TSNARE1: variants seen among roughly 807,000 people sequenced by gnomAD.
The protein encoded by TSNARE1 is t-SNARE domain-containing protein 1.
A neutral mutation model predicts 62.0 loss-of-function variants in TSNARE1; 49 were observed. That is an observed-to-expected ratio of 0.79 (90% CI 0.63 to 1.00). The LOEUF (loss-of-function observed/expected upper bound fraction) is 1.00. Among genes scored for constraint, TSNARE1 ranks in the 50% least tolerant of loss-of-function variants. The pLI is 0.00. For missense variants in TSNARE1, 755 were observed against 700.1 expected, an observed-to-expected ratio of 1.08 and a Z score of -0.88; for synonymous variants, 328 against 294.4, an observed-to-expected ratio of 1.11 and a Z score of -1.17.
Position 142,344,489 on chromosome 8 carries a change from A to G in TSNARE1, c.239-17T>C. Reference sequence around the variant, plus strand: ...CCCCAGGCCCTGGAAAGGCACCAAAAGGCGGATGTTTAAGGCCCTGGGCCT... The same window carrying G: ...CCCCAGGCCCTGGAAAGGCACCAAAGGGCGGATGTTTAAGGCCCTGGGCCT... On this transcript the variant is annotated splice_polypyrimidine_tract_variant and intron_variant, in intron 3 of 13. Transcript: ENST00000524325. 1.3e-6 allele frequency: 2 copies of G among 1,509,112 alleles called. 1 individual carries two copies. The highest frequency in any genetic ancestry group is 2.6e-5 in the South Asian group (2 of 75,770). The allele number at this position is 1,509,112 out of a possible 1,614,324, so 93.5% of individuals were successfully genotyped here. A position where few individuals can be genotyped will look rare whatever the true frequency, so the allele number is the denominator to read the frequency against.
chr8:142,406,795 C>G (rs1838589500), upstream of TSNARE1: 1 of 152,254 alleles, frequency 6.6e-6, no homozygotes, highest in African/African-American at 2.4e-5. Context: ...GGTCCATTCC[C>G]TTGTCACCCA....
chr8:142,383,116 T>C (rs1016772888), intron 1 of TSNARE1, among the ~76,000 whole-genome samples: 1 of 152,104 alleles, frequency 6.6e-6, no homozygotes, highest in Non-Finnish European at 1.5e-5. Flanking sequence ...AAGAGCCCCG[T>C]CATGCAGGTG....
intron 13 of TSNARE1, among the ~76,000 whole-genome samples, chr8:142,216,972 G>A (rs901632834): frequency 9.2e-5 from 14 of 152,102 alleles, no homozygotes; most frequent in African/African-American, 2.9e-4. Context: ...GACCGGGCGC[G>A]GTGGCTCACA....
At chr8:142,302,883 T>TGTCC (rs1826005572) in intron 9 of TSNARE1, among the ~76,000 whole-genome samples, 1 of 152,112 alleles carries the variant, frequency 6.6e-6, no homozygotes, top group African/African-American at 2.4e-5. Context: ...GGGACAGCAC[T>TGTCC]GTCCACCAAG....
intron 1 of TSNARE1, among the ~76,000 whole-genome samples, chr8:142,358,648 C>G (rs1834926480): frequency 6.6e-6 from 1 of 152,092 alleles, no homozygotes; most frequent in South Asian, 2.1e-4. Flanking sequence ...ACGGTCAGGG[C>G]CACCGAGTCA....
Position 142,345,836 on chromosome 8 carries a change from C to G in TSNARE1, c.145G>C (p.Glu49Gln). 1 of 1,614,056 alleles carries G rather than the reference C, an allele frequency of 6.2e-7. No homozygotes were observed. Among genetic ancestry groups the G allele is most frequent in the Non-Finnish European group, 8.5e-7 (1 of 1,179,952 alleles). Residue 49 changes from glutamate (E) to glutamine (Q), a missense_variant, in exon 3 of 14, where the codon GAG becomes CAG. Glu to Gln is a conservative substitution (Grantham distance 29). Coordinates refer to ENST00000524325, the MANE Select transcript of TSNARE1 (RefSeq NM_145003.5). Reference sequence around the variant, plus strand: ...ACACAGCGGTTCTGCAGCTTGCTCTCTGGCGACGGGCAGGGGAAATGGCGG... The same window carrying G: ...ACACAGCGGTTCTGCAGCTTGCTCTGTGGCGACGGGCAGGGGAAATGGCGG... ...GIRHFPCPSPESKLQNRCVGK... is the reference protein window; with the variant it reads ...GIRHFPCPSPQSKLQNRCVGK...
chr8:142,322,291 T>A (rs1361882047), intron 6 of TSNARE1, among the ~76,000 whole-genome samples: 1 of 152,162 alleles, frequency 6.6e-6, no homozygotes, highest in Non-Finnish European at 1.5e-5. Flanking sequence ...AGAGAGGCTG[T>A]TAAATAAAAA....
intron 11 of TSNARE1, among the ~76,000 whole-genome samples, chr8:142,282,559 G>C (rs1383486473): frequency 1.3e-5 from 2 of 151,408 alleles, no homozygotes. Context: ...GGCGGGACCA[G>C]TGTCTGTCAA....
chr8:142,278,317 C>G lies in TSNARE1; in HGVS notation c.1364-3454G>C, dbSNP rs1416437301. 3 of 985,342 alleles carry G rather than the reference C, an allele frequency of 3.0e-6. No homozygotes were observed. The East Asian group carries it at 3.4e-4, about 112-fold the overall frequency. The allele number at this position is 985,342 out of a possible 1,614,324, so 61.0% of individuals were successfully genotyped here. On this transcript the variant is annotated intron_variant, in intron 11 of 13. Coordinates refer to ENST00000524325, the MANE Select transcript of TSNARE1 (RefSeq NM_145003.5). ...AGGAGCAGCTGAGGATGCCCCAGCGCTCCAAGTTCTGCCATGGCTGCCACT... is the reference window on the plus strand; with the variant it reads ...AGGAGCAGCTGAGGATGCCCCAGCGGTCCAAGTTCTGCCATGGCTGCCACT...
At chr8:142,336,546 T>A (rs1831786603) in intron 4 of TSNARE1, among the ~76,000 whole-genome samples, 1 of 152,170 alleles carries the variant, frequency 6.6e-6, no homozygotes, top group Non-Finnish European at 1.5e-5. Context: ...TGTATGCACC[T>A]AATGTCACAG....
intron 1 of TSNARE1, among the ~76,000 whole-genome samples, chr8:142,393,030 C>CT (rs1837651500): frequency 6.6e-6 from 1 of 151,444 alleles, no homozygotes; most frequent in Non-Finnish European, 1.5e-5. Context: ...GATAGGGATA[C>CT]TTTCTACTGG....
intron 2 of TSNARE1, among the ~76,000 whole-genome samples, chr8:142,347,838 G>A (rs1029117628): frequency 6.6e-6 from 1 of 150,494 alleles, no homozygotes; most frequent in Non-Finnish European, 1.5e-5. Context: ...AGAAGGACAC[G>A]CCATCACCTC....
intron 1 of TSNARE1, among the ~76,000 whole-genome samples, chr8:142,393,863 TCTC>T (rs1286183314): frequency 1.3e-5 from 2 of 152,138 alleles, no homozygotes; most frequent in Admixed American, 1.3e-4. Context: ...GACTTCCAGT[TCTC>T]CTCCCTCGGG....
rs185331732 is a variant in TSNARE1 at position 142,334,668 on chromosome 8, A to C, written c.746-2837T>G. Among the ~76,000 whole-genome samples the C allele has an allele frequency of 1.7e-3, 260 of 152,364 alleles. 1 individual carries two copies. Among genetic ancestry groups the C allele is most frequent in the African/African-American group, 6.0e-3 (249 of 41,588 alleles). On this transcript the variant is annotated intron_variant, in intron 4 of 13. Transcript: ENST00000524325. ...TACATTATAGGCAAACTGCAGAAAA[A>C]CAGTGATAAAGAAACCTGAAAAGTG...
chr8:142,308,639 C>T (rs558034958), intron 9 of TSNARE1, among the ~76,000 whole-genome samples: 98 of 152,328 alleles, frequency 6.4e-4, no homozygotes, highest in African/African-American at 2.2e-3. Flanking sequence ...TAGCCTCACA[C>T]AAACACCACA....
intron 12 of TSNARE1, among the ~76,000 whole-genome samples, chr8:142,253,147 G>A (rs571205687): frequency 6.6e-6 from 1 of 152,340 alleles, no homozygotes; most frequent in African/African-American, 2.4e-5. Context: ...TGCCACGGGT[G>A]AGAGTGCGGA....
intron 4 of TSNARE1, among the ~76,000 whole-genome samples, chr8:142,341,935 C>T (rs1197273840): frequency 6.6e-6 from 1 of 152,348 alleles, no homozygotes; most frequent in East Asian, 1.9e-4. Context: ...AGACAAGCAG[C>T]CCACAGCCCA....
intron 12 of TSNARE1, among the ~76,000 whole-genome samples, chr8:142,237,629 G>T (rs1028563188): frequency 6.6e-6 from 1 of 152,224 alleles, no homozygotes; most frequent in Admixed American, 6.5e-5. Flanking sequence ...GTCCGTGGCC[G>T]CATGCTGTGA....
intron 12 of TSNARE1, 123 bp from the exon 13 acceptor site, chr8:142,229,702 TC>T: frequency 2.6e-6 from 2 of 756,508 alleles, no homozygotes; most frequent in Non-Finnish European, 4.5e-6. Flanking sequence ...TGGGGCAGGG[TC>T]CAGAGAGAAC....
Sources: gnomAD v4.1 joint callset for allele counts (sites outside exome capture counted in the v4.1 genomes callset) on GRCh38, gnomAD v4.1.1 for gene constraint, MANE v1.5 for transcripts, NCBI Gene and HGNC (gene_info 2026-07-23, HGNC 2026-07-21) for gene names.